ZNF860: variants seen among roughly 807,000 people sequenced by gnomAD.
ZNF860 encodes zinc finger protein 860.
For synonymous variants in ZNF860, 206 were observed against 248.9 expected (o/e 0.83, Z 1.62); for missense variants, 641 against 759.2 (o/e 0.84, Z 1.83).
chr3:32,002,855 G>A, the ZNF860 span, among the ~76,000 whole-genome samples: 1 of 152,158 alleles, frequency 6.6e-6, no homozygotes, highest in Non-Finnish European at 1.5e-5. Context: ...CTGATGAATG[G>A]CCAGGCAGAT....
rs1446811825 is a variant in ZNF860 at position 31,989,388 on chromosome 3, G to A, written c.309G>A (p.Gln103=). The change falls in exon 2 of 2, where the codon CAG becomes CAA. Residue 103 remains glutamine (Q), a synonymous_variant. Transcript: ENST00000360311. ...ESHHIGDFCF[Q]KIGKDIHDFE... is the part of the protein sequence containing the mutation. ...ATCACATTGGAGATTTTTGCTTCCA[G>A]AAAATTGGGAAAGATATTCATGACT... 2.5e-6 allele frequency: 4 copies of A among 1,614,048 alleles called. No individual in the cohort carries two copies. The highest frequency in any genetic ancestry group is 2.5e-6 in the Non-Finnish European group (3 of 1,180,030).
chr3:31,985,274 C>T (rs142191159), intron 1 of ZNF860, among the ~76,000 whole-genome samples: 6 of 152,244 alleles, frequency 3.9e-5, no homozygotes, highest in African/African-American at 1.4e-4. Flanking sequence ...ATTGGCTAAA[C>T]ACAAATGCTC....
rs1394547235 is a variant in ZNF860 at position 31,991,653 on chromosome 3, A to AT, written c.*679dup. The AT allele has an allele frequency of 6.0e-6, 1 of 165,630 alleles. No homozygotes were observed. The highest frequency in any genetic ancestry group is 1.9e-4 in the East Asian group (1 of 5,168). 10.3% of individuals were successfully genotyped at this position (165,630 alleles called of 1,614,324 possible). ...CAGTAGTATTTTAGTTGACTCTGTG[A>AT]TTTTCTACACAGCAGATCATGTCAT... On this transcript the variant is annotated 3_prime_UTR_variant, in exon 2 of 2. Coordinates refer to ENST00000360311, the MANE Select transcript of ZNF860 (RefSeq NM_001137674.3).
chr3:31,989,201 T>A lies in ZNF860; in HGVS notation c.122T>A (p.Leu41Gln). The A allele has an allele frequency of 6.2e-7, 1 of 1,614,184 alleles. No individual in the cohort carries two copies. Among genetic ancestry groups the A allele is most frequent in the South Asian group, 1.1e-5 (1 of 91,080 alleles). Reference protein sequence around the residue: ...IEFSLEEWKCLDPTQRALYRA... With the variant: ...IEFSLEEWKCQDPTQRALYRA... Reference sequence around the variant, plus strand: ...TTCTCTTTGGAGGAGTGGAAATGCCTGGACCCTACGCAGAGGGCTTTATAC... The same window carrying A: ...TTCTCTTTGGAGGAGTGGAAATGCCAGGACCCTACGCAGAGGGCTTTATAC... Residue 41 changes from leucine (L) to glutamine (Q), a missense_variant, in exon 2 of 2, where the codon CTG (leucine) becomes CAG (glutamine). Transcript: ENST00000360311.
downstream of ZNF860, among the ~76,000 whole-genome samples, chr3:31,993,391 A>G (rs1411932232): frequency 6.6e-6 from 1 of 151,872 alleles, no homozygotes; most frequent in Non-Finnish European, 1.5e-5. Flanking sequence ...TATTTTTAGT[A>G]GAGACAGGGT....
intron 1 of ZNF860, among the ~76,000 whole-genome samples, chr3:31,982,119 C>T (rs756529059): frequency 2.0e-5 from 3 of 152,126 alleles, no homozygotes; most frequent in Non-Finnish European, 4.4e-5. Flanking sequence ...CCACACTGCA[C>T]GTGCACCTAG....
intron 1 of ZNF860, among the ~76,000 whole-genome samples, chr3:31,983,805 G>A (rs1410751896): frequency 6.6e-6 from 1 of 152,192 alleles, no homozygotes; most frequent in African/African-American, 2.4e-5. Context: ...AAGTCTTTAT[G>A]TTTGAAAAAC....
chr3:32,000,558 T>C, the ZNF860 span, among the ~76,000 whole-genome samples: 145 of 152,336 alleles, frequency 9.5e-4, no homozygotes, highest in African/African-American at 3.4e-3. Context: ...ATCATTTATC[T>C]AACACACTCT....
At chr3:31,984,988 C>G (rs1368037496) in intron 1 of ZNF860, among the ~76,000 whole-genome samples, 1 of 152,200 alleles carries the variant, frequency 6.6e-6, no homozygotes, top group African/African-American at 2.4e-5. Flanking sequence ...CCTGTAATCC[C>G]AGCACTTTGG....
chr3:32,001,814 C>T, the ZNF860 span, among the ~76,000 whole-genome samples: 6 of 151,946 alleles, frequency 3.9e-5, no homozygotes, highest in African/African-American at 1.5e-4. Context: ...CCCAGAGGGT[C>T]CCCAGGACAA....
downstream of ZNF860, among the ~76,000 whole-genome samples, chr3:31,994,491 AGGATGGATGGATGGATGGAT>A (rs200832488): frequency 1.1e-4 from 16 of 149,766 alleles, no homozygotes; most frequent in South Asian, 6.4e-4. Context: ...AGGGAAAAAA[AGGATGGATGGATGGATGGAT>A]GGATGGATGG....
At position 31,991,059 on chromosome 3, in the gene ZNF860, CATTA is replaced by C. The variant is rs1699022106; in HGVS notation, c.*85_*88del. On this transcript the variant is annotated 3_prime_UTR_variant, in exon 2 of 2. Transcript: ENST00000360311. ...GCAATGAGTATAGCAAACCATCAAG[CATTA>C]ATTGACATTAGAGTCAATTCAGCAT... 7.8e-7 allele frequency: 1 copy of C among 1,281,712 alleles called. No individual in the cohort carries two copies. Among genetic ancestry groups the C allele is most frequent in the Non-Finnish European group, 1.1e-6 (1 of 927,144 alleles). 79.4% of individuals were successfully genotyped at this position (1,281,712 alleles called of 1,614,324 possible).
the ZNF860 span, among the ~76,000 whole-genome samples, chr3:31,997,355 C>T: frequency 2.6e-5 from 4 of 151,680 alleles, no homozygotes; most frequent in Middle Eastern, 3.4e-3. Flanking sequence ...ACCTCCGCCT[C>T]CTGGGTTCAA....
downstream of ZNF860, among the ~76,000 whole-genome samples, chr3:31,995,402 T>G (rs1047133940): frequency 1.3e-5 from 2 of 152,226 alleles, no homozygotes; most frequent in African/African-American, 4.8e-5. Flanking sequence ...TTTAGCGATA[T>G]CTTCCCTATT....
chr3:31,992,100 C>A (rs1446022862), downstream of ZNF860, among the ~76,000 whole-genome samples: 1 of 149,626 alleles, frequency 6.7e-6, no homozygotes, highest in East Asian at 2.0e-4. Flanking sequence ...GAGCCAGGAT[C>A]GCCCCACTGC....
At chr3:32,005,353 T>C in the ZNF860 span, among the ~76,000 whole-genome samples, 1 of 152,166 alleles carries the variant, frequency 6.6e-6, no homozygotes, top group Non-Finnish European at 1.5e-5. Flanking sequence ...ATCCATTCCC[T>C]GAGCAGTAAA....
rs375120082 is a variant in ZNF860 at position 31,989,811 on chromosome 3, C to T, written c.732C>T (p.Leu244=). 4.6e-5 allele frequency: 74 copies of T among 1,613,948 alleles called. No individual in the cohort carries two copies. The African/African-American group carries it at 8.7e-4, about 19-fold the overall frequency. Residue 244 remains leucine (L), a synonymous_variant, in exon 2 of 2, where the codon CTC becomes CTT. Transcript: ENST00000360311. ...GCAAAGCCTTTAATTGTAGCTCACTCTTAAGGAAACATCAGATAATCTATT... is the reference window on the plus strand; with the variant it reads ...GCAAAGCCTTTAATTGTAGCTCACTTTTAAGGAAACATCAGATAATCTATT... The part of the protein sequence containing the change: ...ESGKAFNCSS[L]LRKHQIIYLG...
At chr3:32,004,137 C>A in the ZNF860 span, among the ~76,000 whole-genome samples, 1 of 152,144 alleles carries the variant, frequency 6.6e-6, no homozygotes, top group African/African-American at 2.4e-5. Context: ...TAAATGATTT[C>A]TTATTTAAAA....
Position 31,990,021 on chromosome 3 carries a change from C to A in ZNF860, c.942C>A (p.Tyr314Ter). 1 of 1,614,108 alleles carries A rather than the reference C, an allele frequency of 6.2e-7. No homozygotes were observed. Among genetic ancestry groups the A allele is most frequent in the Non-Finnish European group, 8.5e-7 (1 of 1,180,002 alleles). ...GACTTCATACTGGAGAGAAACCTTACAAATGTGAAGAATGTGACAAAGTTT... is the reference window on the plus strand; with the variant it reads ...GACTTCATACTGGAGAGAAACCTTAAAAATGTGAAGAATGTGACAAAGTTT... ...HHRLHTGEKP[Y>*]KCEECDKVFS... is the part of the protein sequence containing the mutation. Residue 314 changes from tyrosine (Y) to a stop codon, truncating the protein, a stop_gained, in exon 2 of 2, where the codon TAC (tyrosine) becomes TAA (stop). Coordinates refer to ENST00000360311, the MANE Select transcript of ZNF860 (RefSeq NM_001137674.3). LOFTEE classifies it low-confidence loss of function (END_TRUNC).
Sources: gnomAD v4.1 joint callset for allele counts (sites outside exome capture counted in the v4.1 genomes callset) on GRCh38, gnomAD v4.1.1 for gene constraint, MANE v1.5 for transcripts, NCBI Gene and HGNC (gene_info 2026-07-23, HGNC 2026-07-21) for gene names.